ARB2A: variants seen among roughly 807,000 people sequenced by gnomAD.
ARB2A encodes ARB2 cotranscriptional regulator A, also known as cotranscriptional regulator ARB2A.
chr5:93,972,240 T>G, the ARB2A span, among the ~76,000 whole-genome samples: 2 of 152,104 alleles, frequency 1.3e-5, no homozygotes, highest in Non-Finnish European at 2.9e-5. Context: ...ACCTACTGAC[T>G]GTAGCCTGAA....
the ARB2A span, among the ~76,000 whole-genome samples, chr5:93,934,301 G>A: frequency 3.3e-5 from 5 of 152,216 alleles, 1 homozygote; most frequent in Admixed American, 3.3e-4. Flanking sequence ...GAATGATAAA[G>A]ATATTCTCAA....
At chr5:93,683,130 G>C in the ARB2A span, 5 of 1,522,396 alleles carry the variant, frequency 3.3e-6, no homozygotes, top group Middle Eastern at 4.6e-4. Context: ...GGAGTATCTC[G>C]TATAGATTTC....
At chr5:93,928,465 A>T in the ARB2A span, among the ~76,000 whole-genome samples, 1 of 152,322 alleles carries the variant, frequency 6.6e-6, no homozygotes, top group Non-Finnish European at 1.5e-5. Context: ...TGAATCTTAT[A>T]CTGTTTTGTG....
At chr5:93,908,192 AAGAAAAT>A in the ARB2A span, among the ~76,000 whole-genome samples, 1 of 151,196 alleles carries the variant, frequency 6.6e-6, no homozygotes, top group Non-Finnish European at 1.5e-5. Flanking sequence ...TAAATTGCAT[AAGAAAAT>A]AGAAAATTAG....
chr5:94,035,267 A>G, the ARB2A span, among the ~76,000 whole-genome samples: 6 of 152,122 alleles, frequency 3.9e-5, no homozygotes, highest in African/African-American at 9.7e-5. Context: ...CACTATATGT[A>G]TGCATTGCTA....
chr5:93,948,624 A>C, the ARB2A span, among the ~76,000 whole-genome samples: 3 of 152,088 alleles, frequency 2.0e-5, no homozygotes, highest in Non-Finnish European at 2.9e-5. Context: ...GTTTTCTTCT[A>C]GGGTTTTTAT....
chr5:93,632,988 T>C, the ARB2A span, among the ~76,000 whole-genome samples: 2 of 152,288 alleles, frequency 1.3e-5, no homozygotes, highest in Admixed American at 6.5e-5. Flanking sequence ...TACACTGTCA[T>C]AATATTCCAT....
the ARB2A span, among the ~76,000 whole-genome samples, chr5:93,833,739 G>A: frequency 2.0e-5 from 3 of 152,142 alleles, no homozygotes; most frequent in Non-Finnish European, 4.4e-5. Flanking sequence ...GTAAACAACA[G>A]GAAAATCAGA....
the ARB2A span, among the ~76,000 whole-genome samples, chr5:93,794,499 G>A: frequency 6.6e-6 from 1 of 152,018 alleles, no homozygotes; most frequent in African/African-American, 2.4e-5. Context: ...AAAGAACCGT[G>A]TTTTGTCATA....
At chr5:93,705,639 GTGTGTGTGTGTGTATA>G in the ARB2A span, among the ~76,000 whole-genome samples, 13 of 147,174 alleles carry the variant, frequency 8.8e-5, no homozygotes, top group African/African-American at 2.9e-4. Context: ...GTGTGTGTGT[GTGTGTGTGTGTGTATA>G]TATATATATA....
At chr5:93,987,611 T>C in the ARB2A span, among the ~76,000 whole-genome samples, 1 of 152,218 alleles carries the variant, frequency 6.6e-6, no homozygotes, top group South Asian at 2.1e-4. Context: ...GACTACTTGC[T>C]CGGCATATCT....
chr5:93,692,798 G>C, the ARB2A span, among the ~76,000 whole-genome samples: 1 of 152,034 alleles, frequency 6.6e-6, no homozygotes, highest in South Asian at 2.1e-4. Context: ...CCATATAATT[G>C]GAAGTAAAAC....
the ARB2A span, among the ~76,000 whole-genome samples, chr5:93,757,567 C>T: frequency 3.9e-5 from 6 of 152,148 alleles, no homozygotes; most frequent in East Asian, 1.9e-4. Flanking sequence ...GGATAGGGGG[C>T]ACTATCTTCA....
the ARB2A span, among the ~76,000 whole-genome samples, chr5:93,675,293 C>A: frequency 6.6e-6 from 1 of 152,150 alleles, no homozygotes; most frequent in African/African-American, 2.4e-5. Flanking sequence ...ATGTCCTGGT[C>A]CCTGTTGGCA....
the ARB2A span, among the ~76,000 whole-genome samples, chr5:94,037,773 T>C: frequency 6.6e-6 from 1 of 152,166 alleles, no homozygotes; most frequent in Non-Finnish European, 1.5e-5. Flanking sequence ...ATTTGGGTGC[T>C]AAAATAATGA....
the ARB2A span, among the ~76,000 whole-genome samples, chr5:93,684,882 T>G: frequency 6.6e-6 from 1 of 151,718 alleles, no homozygotes; most frequent in Non-Finnish European, 1.5e-5. Context: ...ATTTAACTAC[T>G]TTATCTTAAC....
chr5:93,723,156 G>A, the ARB2A span, among the ~76,000 whole-genome samples: 1 of 152,118 alleles, frequency 6.6e-6, no homozygotes, highest in Non-Finnish European at 1.5e-5. Flanking sequence ...AACAAATTAT[G>A]AGAGAGCAAC....
the ARB2A span, among the ~76,000 whole-genome samples, chr5:93,942,819 G>C: frequency 1.3e-5 from 2 of 152,100 alleles, no homozygotes; most frequent in Non-Finnish European, 2.9e-5. Flanking sequence ...GAACATTAAT[G>C]TGTATCCATG....
At chr5:93,906,295 A>ATT in the ARB2A span, among the ~76,000 whole-genome samples, 1 of 151,396 alleles carries the variant, frequency 6.6e-6, no homozygotes, top group Admixed American at 6.6e-5. Flanking sequence ...TTTTTTTTTA[A>ATT]TTGCCAGCAT....
Sources: allele counts gnomAD v4.1 joint callset (sites outside exome capture counted in the v4.1 genomes callset), GRCh38; gene constraint gnomAD v4.1.1; transcripts MANE v1.5; gene names NCBI Gene and HGNC (gene_info 2026-07-23, HGNC 2026-07-21).